The following ANTXR2 variants were observed in gnomAD, a reference collection of about 807,000 sequenced individuals.
The protein encoded by ANTXR2 is anthrax toxin receptor 2.
In ANTXR2, 44 loss-of-function variants were observed where a neutral mutation model predicts 73.7. The observed-to-expected ratio is 0.60, with a 90% CI of 0.47 to 0.77. The LOEUF (loss-of-function observed/expected upper bound fraction) is 0.77. Ranked by LOEUF, ANTXR2 falls within the 30% of genes least tolerant of loss-of-function variation. The pLI is 0.00. For missense variants in ANTXR2, 604 were observed against 592.5 expected (o/e 1.02, Z -0.20); for synonymous variants, 217 against 205.9 (o/e 1.05, Z -0.46).
Position 79,952,810 on chromosome 4 carries a change from T to A in ANTXR2, c.1428+24811A>T, listed in dbSNP as rs137980251. ...TATGCCTTCAGTTATAAAAACCATC[T>A]TATTATTATTAATAATAGTAATATT... On this transcript the variant is annotated intron_variant, in intron 16 of 16. Transcript: ENST00000403729. 2.3e-3 allele frequency among the ~76,000 whole-genome samples: 354 copies of A among 151,618 alleles called. 2 individuals are homozygous for A. Among genetic ancestry groups the A allele is most frequent in the African/African-American group, 8.3e-3 (346 of 41,450 alleles).
intron 12 of ANTXR2, among the ~76,000 whole-genome samples, chr4:80,007,296 G>T (rs1731349939): frequency 6.6e-6 from 1 of 152,072 alleles, no homozygotes; most frequent in Non-Finnish European, 1.5e-5. Flanking sequence ...ACATTACCAT[G>T]AACTACACAA....
At chr4:80,001,185 C>T (rs1352704934) in intron 12 of ANTXR2, among the ~76,000 whole-genome samples, 2 of 151,782 alleles carry the variant, frequency 1.3e-5, no homozygotes, top group Non-Finnish European at 1.5e-5. Flanking sequence ...TTTTATTATA[C>T]TTTAAGTTTT....
chr4:79,907,162 T>C lies in ANTXR2; in HGVS notation c.*267A>G. ...AAACTTTCTTGTACAAACCATAGTCTGCAGGTCAATGTTCCTCTTTATTTT... is the reference window on the plus strand; with the variant it reads ...AAACTTTCTTGTACAAACCATAGTCCGCAGGTCAATGTTCCTCTTTATTTT... On this transcript the variant is annotated 3_prime_UTR_variant, in exon 17 of 17. Transcript: ENST00000403729. 1.9e-6 allele frequency: 1 copy of C among 517,550 alleles called. No individual in the cohort carries two copies. Among genetic ancestry groups the C allele is most frequent in the South Asian group, 2.6e-5 (1 of 38,476 alleles). The allele number at this position is 517,550 out of a possible 1,614,324, so 32.1% of individuals were successfully genotyped here.
At chr4:80,010,607 A>C (rs1255746249) in intron 11 of ANTXR2, among the ~76,000 whole-genome samples, 1 of 152,186 alleles carries the variant, frequency 6.6e-6, no homozygotes, top group East Asian at 1.9e-4. Flanking sequence ...AGGCCATGAA[A>C]CTGCTAAAAA....
At chr4:80,042,208 T>C (rs897436833) in intron 7 of ANTXR2, among the ~76,000 whole-genome samples, 9 of 152,164 alleles carry the variant, frequency 5.9e-5, no homozygotes, top group African/African-American at 2.2e-4. Flanking sequence ...AACAACAAGC[T>C]ACCACAAGCC....
chr4:79,963,008 C>T lies in ANTXR2; in HGVS notation c.1428+14613G>A, dbSNP rs117806000. Among the ~76,000 whole-genome samples the T allele has an allele frequency of 4.3e-4, 65 of 152,216 alleles. 1 individual carries two copies. The East Asian group carries it at 0.012, about 28-fold the overall frequency. On this transcript the variant is annotated intron_variant, in intron 16 of 16. Coordinates refer to ENST00000403729, the MANE Select transcript of ANTXR2 (RefSeq NM_058172.6). ...GCACTGAAAGACCCACTAGTGGTTA[C>T]ACTTCGCAACTGTGATGGGAACATA...
intron 12 of ANTXR2, among the ~76,000 whole-genome samples, chr4:80,006,979 C>T (rs1205745949): frequency 2.6e-5 from 4 of 152,058 alleles, no homozygotes; most frequent in African/African-American, 9.7e-5. Context: ...CTAAAATAGC[C>T]ATAACTAGAT....
chr4:80,024,619 G>A (rs1331010380), intron 10 of ANTXR2: 1 of 397,238 alleles, frequency 2.5e-6, no homozygotes, highest in East Asian at 7.7e-5. Flanking sequence ...AAAATTAGCA[G>A]GGTGTGGTGG....
intron 12 of ANTXR2, among the ~76,000 whole-genome samples, chr4:79,991,952 T>C (rs1730489880): frequency 6.6e-6 from 1 of 151,846 alleles, no homozygotes; most frequent in Admixed American, 6.6e-5. Flanking sequence ...CATCAGGGCC[T>C]ACATGAAGTG....
intron 10 of ANTXR2, 102 bp from the exon 11 acceptor site, chr4:80,019,078 T>TA (rs918861432): frequency 2.6e-6 from 2 of 779,090 alleles, no homozygotes; most frequent in Admixed American, 7.8e-5. Flanking sequence ...AAAACATACT[T>TA]AAAGAGTAAG....
chr4:80,065,631 T>G (rs527844722), intron 3 of ANTXR2, among the ~76,000 whole-genome samples: 1 of 152,252 alleles, frequency 6.6e-6, no homozygotes, highest in Non-Finnish European at 1.5e-5. Flanking sequence ...TTTTTTGGCA[T>G]GTTTATTACT....
chr4:79,907,862 A>G (rs1726981773), intron 16 of ANTXR2, among the ~76,000 whole-genome samples: 2 of 152,184 alleles, frequency 1.3e-5, no homozygotes, highest in Admixed American at 1.3e-4. Flanking sequence ...CATGAGGATC[A>G]CATTTAGTAA....
At chr4:79,990,331 A>G (rs896660682) in intron 12 of ANTXR2, among the ~76,000 whole-genome samples, 19 of 148,884 alleles carry the variant, frequency 1.3e-4, no homozygotes, top group African/African-American at 4.5e-4. Context: ...ATATCTGTAT[A>G]CCAATAATGT....
intron 16 of ANTXR2, among the ~76,000 whole-genome samples, chr4:79,953,276 T>A (rs191429751): frequency 6.6e-6 from 1 of 150,410 alleles, no homozygotes; most frequent in African/African-American, 2.5e-5. Flanking sequence ...TGTAAGATGA[T>A]TTTGGGCACA....
rs1392787570 is a variant in ANTXR2 at position 80,055,186 on chromosome 4, A to T, written c.519T>A (p.Val173=). ...AKISRSLGAS[V]YCVGVLDFEQ... ...CAAAATCAAGGACACCAACACAATA[A>T]ACACTAGCCCCAAGTGACCTGGATA... is the stretch of plus-strand genomic sequence containing the variant. The change falls in exon 6 of 17, where the codon GTT becomes GTA. Residue 173 remains valine, a synonymous_variant. Coordinates refer to ENST00000403729, the MANE Select transcript of ANTXR2 (RefSeq NM_058172.6). 6.4e-7 allele frequency: 1 copy of T among 1,568,212 alleles called. No homozygotes were observed.
At chr4:80,017,115 C>T (rs1045395223) in intron 11 of ANTXR2, among the ~76,000 whole-genome samples, 2 of 152,226 alleles carry the variant, frequency 1.3e-5, no homozygotes, top group Non-Finnish European at 2.9e-5. Context: ...AAGCTCAGGT[C>T]CTGACAATAA....
intron 3 of ANTXR2, 109 bp downstream of exon 3, chr4:80,069,327 G>GC (rs1283355688): frequency 2.4e-6 from 2 of 818,692 alleles, no homozygotes; most frequent in Admixed American, 4.8e-5. Flanking sequence ...AATTGTCTGT[G>GC]CATCTGCTTG....
chr4:79,928,727 C>CT (rs1727932641), intron 16 of ANTXR2, among the ~76,000 whole-genome samples: 1 of 151,922 alleles, frequency 6.6e-6, no homozygotes, highest in African/African-American at 2.4e-5. Context: ...TTATGACAAT[C>CT]TTTTTTATAA....
chr4:79,958,731 T>C (rs928818007), intron 16 of ANTXR2, among the ~76,000 whole-genome samples: 7 of 152,132 alleles, frequency 4.6e-5, no homozygotes, highest in Admixed American at 2.0e-4. Context: ...GTTAAGAGCA[T>C]AAGACTAGTT....
Sources: allele counts gnomAD v4.1 joint callset (sites outside exome capture counted in the v4.1 genomes callset), GRCh38; gene constraint gnomAD v4.1.1; transcripts MANE v1.5; gene names NCBI Gene and HGNC (gene_info 2026-07-23, HGNC 2026-07-21).